Variants in MAP2K2 observed in about 807,000 individuals in gnomAD.
MAP2K2 encodes the protein dual specificity mitogen-activated protein kinase kinase 2.
In MAP2K2, 24 loss-of-function variants were observed where a neutral mutation model predicts 43.7. That is an observed-to-expected ratio of 0.55 (90% CI 0.40 to 0.77). MAP2K2 has a LOEUF of 0.77. Among genes scored for constraint, MAP2K2 ranks in the 30% least tolerant of loss-of-function variants. The pLI is 0.00. For synonymous variants in MAP2K2, 244 were observed against 239.7 expected (o/e 1.02, Z -0.17); for missense variants, 470 against 566.8 (o/e 0.83, Z 1.73).
chr19:4,096,188 G>A (rs944908843), intron 8 of MAP2K2, among the ~76,000 whole-genome samples: 37 of 152,210 alleles, frequency 2.4e-4, no homozygotes, highest in Admixed American at 2.4e-3. Context: ...GGCCTTTCCC[G>A]CGCAGGGGCA....
intron 9 of MAP2K2, 154 bp downstream of exon 9, chr19:4,095,234 G>T: frequency 1.5e-6 from 1 of 666,466 alleles, no homozygotes; most frequent in Non-Finnish European, 2.6e-6. Context: ...ACAGCTCTGG[G>T]AAAAGGAATC....
rs554851322 is a variant in MAP2K2, at chr19:4,115,227, C to T, written c.303+2192G>A. ...CCCAGAGCTGATGCTGGGACATCTC[C>T]ACCCACCAGACCACAGAACCTGCCC... On this transcript the variant is annotated intron_variant, in intron 2 of 10. Transcript: ENST00000262948. The surrounding 1 kb of genome is among the most constrained non-coding windows in gnomAD (Gnocchi z 4.1). Among the ~76,000 whole-genome samples the T allele has an allele frequency of 6.6e-6, 1 of 152,278 alleles. No individual in the cohort carries two copies. The highest frequency in any genetic ancestry group is 2.4e-5 in the African/African-American group (1 of 41,556).
In MAP2K2 at chr19:4,090,382, C is replaced by G; in HGVS notation, c.*216G>C. On this transcript the variant is annotated 3_prime_UTR_variant, in exon 11 of 11. Coordinates refer to ENST00000262948, the MANE Select transcript of MAP2K2 (RefSeq NM_030662.4). The stretch of plus-strand genomic sequence containing the variant: ...AGGAAGCAGAGCCTCTGAGACCACA[C>G]ACAGCAGCGTCGCCCGTCCCCAGAG... 1.6e-6 allele frequency: 1 copy of G among 609,770 alleles called. No homozygotes were observed. The highest frequency in any genetic ancestry group is 1.8e-5 in the African/African-American group (1 of 54,510). 37.8% of individuals were successfully genotyped at this position (609,770 alleles called of 1,614,324 possible). A position where few individuals can be genotyped will look rare whatever the true frequency, so the allele number is the denominator to read the frequency against.
rs944839239 is a variant in MAP2K2 at position 4,097,300 on chromosome 19, G to T, written c.963C>A (p.Leu321=). ...DSRPAMAIFE[L]LDYIVNEPPP... ...AAACCTCGTTCACAATATAGTCCAG[G>T]AGTTCAAAGATGGCCATGGCAGGCC... Residue 321 remains leucine, a synonymous_variant, in exon 8 of 11, where the codon CTC becomes CTA. Transcript: ENST00000262948. 1 of 1,612,968 alleles carries T rather than the reference G, an allele frequency of 6.2e-7. No homozygotes were observed. The highest frequency in any genetic ancestry group is 8.5e-7 in the Non-Finnish European group (1 of 1,179,814).
Position 4,090,405 on chromosome 19 carries a change from G to C in MAP2K2, c.*193C>G, listed in dbSNP as rs2145035879. 2 of 631,676 alleles carry C rather than the reference G, an allele frequency of 3.2e-6. No homozygotes were observed. The highest frequency in any genetic ancestry group is 1.8e-5 in the South Asian group (1 of 55,886). 39.1% of individuals were successfully genotyped at this position (631,676 alleles called of 1,614,324 possible). The stretch of plus-strand genomic sequence containing the variant: ...CACACAGCAGCGTCGCCCGTCCCCA[G>C]AGGCACCCCGGCCAGGACGGGCAGG... On this transcript the variant is annotated 3_prime_UTR_variant, in exon 11 of 11. Coordinates refer to ENST00000262948, the MANE Select transcript of MAP2K2 (RefSeq NM_030662.4).
At chr19:4,108,378 C>A (rs987187581) in intron 3 of MAP2K2, among the ~76,000 whole-genome samples, 1 of 151,900 alleles carries the variant, frequency 6.6e-6, no homozygotes, top group South Asian at 2.1e-4. Flanking sequence ...GTAGCTGGGA[C>A]TACAGGCACC....
intron 2 of MAP2K2, among the ~76,000 whole-genome samples, chr19:4,113,036 C>T (rs1048662197): frequency 6.6e-6 from 1 of 152,210 alleles, no homozygotes; most frequent in Non-Finnish European, 1.5e-5. Context: ...TGAACGGGGG[C>T]TGCTGTCTTG....
At chr19:4,095,263 A>AG in intron 9 of MAP2K2, 125 bp downstream of exon 9, 1 of 798,988 alleles carries the variant, frequency 1.3e-6, no homozygotes, top group Non-Finnish European at 2.0e-6. Flanking sequence ...CGTTGGGCTG[A>AG]GTCCTGCCTA....
At chr19:4,116,034 CAG>C (rs2041216651) in intron 2 of MAP2K2, among the ~76,000 whole-genome samples, 1 of 152,210 alleles carries the variant, frequency 6.6e-6, no homozygotes, top group Non-Finnish European at 1.5e-5. Flanking sequence ...CCAGGGCTTG[CAG>C]ACTTTCAAAG....
rs886740045 is a variant in MAP2K2 at position 4,103,339 on chromosome 19, C to T, written c.451-886G>A. On this transcript the variant is annotated intron_variant, in intron 3 of 10. Transcript: ENST00000262948. ...TGGCAACAAACCTGGGGACCAAAACCCCCAAATGCCAAAACCCCAGGCACT... is the reference window on the plus strand; with the variant it reads ...TGGCAACAAACCTGGGGACCAAAACTCCCAAATGCCAAAACCCCAGGCACT... 2.1e-5 allele frequency: 18 copies of T among 861,204 alleles called. 1 individual carries two copies. In the Admixed American group the frequency reaches 2.5e-4, roughly 12 times the overall value. The allele number at this position is 861,204 out of a possible 1,614,324, so 53.3% of individuals were successfully genotyped here. A position where few individuals can be genotyped will look rare whatever the true frequency, so the allele number is the denominator to read the frequency against.
At chr19:4,094,872 C>T (rs563611371) in intron 9 of MAP2K2, 7 of 400,438 alleles carry the variant, frequency 1.7e-5, no homozygotes, top group East Asian at 8.4e-5. Flanking sequence ...ACCAGGAGTG[C>T]GGTGCCGTTC....
chr19:4,097,223 A>G (rs980125111), intron 8 of MAP2K2, 56 bp downstream of exon 8: 5 of 1,249,906 alleles, frequency 4.0e-6, no homozygotes, highest in African/African-American at 3.1e-5. Flanking sequence ...AAAAAAAAAA[A>G]AAAAAGAAAG....
At chr19:4,100,990 G>T in intron 6 of MAP2K2, 29 bp downstream of exon 6, 1 of 1,551,486 alleles carries the variant, frequency 6.4e-7, no homozygotes, top group South Asian at 1.2e-5. Flanking sequence ...AGGGAGGAGA[G>T]CTGGAGGGGA....
At chr19:4,108,337 T>G (rs931090735) in intron 3 of MAP2K2, among the ~76,000 whole-genome samples, 2 of 151,952 alleles carry the variant, frequency 1.3e-5, no homozygotes, top group African/African-American at 4.8e-5. Context: ...GCCTCCAGGG[T>G]TCACGCCATT....
Position 4,121,937 on chromosome 19 carries a change from C to T in MAP2K2, c.92+1847G>A, listed in dbSNP as rs186208769. On this transcript the variant is annotated intron_variant, in intron 1 of 10. Transcript: ENST00000262948. ...CCCTTCTGGGAGCCCCCTGTCCTCC[C>T]CTCTCTTCCCTTTTCCCTGGTTGTC... 4.2e-3 allele frequency among the ~76,000 whole-genome samples: 574 copies of T among 136,794 alleles called. 6 individuals carry two copies. Among genetic ancestry groups the T allele is most frequent in the African/African-American group, 0.015 (546 of 35,430 alleles). The allele number at this position is 136,794 out of a possible 152,430, so 89.7% of individuals were successfully genotyped here. A position where few individuals can be genotyped will look rare whatever the true frequency, so the allele number is the denominator to read the frequency against.
At chr19:4,116,099 T>C (rs545922416) in intron 2 of MAP2K2, among the ~76,000 whole-genome samples, 2 of 152,226 alleles carry the variant, frequency 1.3e-5, no homozygotes, top group South Asian at 4.1e-4. Flanking sequence ...CGGTGCCCAG[T>C]TGTCAAACGC....
rs1331294575 is a variant in MAP2K2, at chr19:4,115,420, C to T, written c.303+1999G>A. 1.3e-5 allele frequency among the ~76,000 whole-genome samples: 2 copies of T among 152,218 alleles called. No homozygotes were observed. The highest frequency in any genetic ancestry group is 3.8e-4 in the East Asian group (2 of 5,196). ...CCAGCCCATCAGGGACCACTGGAGGCTCCCCCAGAAGCCTGAGGGTCCCTG... is the reference window on the plus strand; with the variant it reads ...CCAGCCCATCAGGGACCACTGGAGGTTCCCCCAGAAGCCTGAGGGTCCCTG... On this transcript the variant is annotated intron_variant, in intron 2 of 10. Coordinates refer to ENST00000262948, the MANE Select transcript of MAP2K2 (RefSeq NM_030662.4). The surrounding 1 kb of genome is among the most constrained non-coding windows in gnomAD (Gnocchi z 4.1).
At chr19:4,122,247 G>C (rs190021088) in intron 1 of MAP2K2, among the ~76,000 whole-genome samples, 1 of 12,810 alleles carries the variant, frequency 7.8e-5, no homozygotes. Flanking sequence ...CCCCCATAGG[G>C]ACCCTCCCAC....
At chr19:4,112,965 C>T (rs1568261307) in intron 2 of MAP2K2, among the ~76,000 whole-genome samples, 1 of 152,184 alleles carries the variant, frequency 6.6e-6, no homozygotes, top group Non-Finnish European at 1.5e-5. Context: ...AAGCTTGGTG[C>T]GTGTTTTCCA....
Sources: gnomAD v4.1 joint callset for allele counts (sites outside exome capture counted in the v4.1 genomes callset) on GRCh38, gnomAD v4.1.1 for gene constraint, Gnocchi (gnomAD v3.1) non-coding constraint, MANE v1.5 for transcripts, NCBI Gene and HGNC (gene_info 2026-07-23, HGNC 2026-07-21) for gene names.